Variants in FHIT observed in about 807,000 individuals in gnomAD.
The protein encoded by FHIT is fragile histidine triad diadenosine triphosphatase, also known as bis(5'-adenosyl)-triphosphatase.
In FHIT, 19 loss-of-function variants were observed where a neutral mutation model predicts 17.9. That is an observed-to-expected ratio of 1.06 (90% confidence interval 0.74 to 1.56). The LOEUF (loss-of-function observed/expected upper bound fraction) is 1.56. FHIT is among the 40% of genes most tolerant of loss of function. The pLI is 0.00. For missense variants in FHIT, 248 were observed against 189.2 expected (o/e 1.31, Z -1.82); for synonymous variants, 81 against 69.7 (o/e 1.16, Z -0.81).
intron 1 of FHIT, among the ~76,000 whole-genome samples, chr3:61,229,496 T>C (rs1429452208): frequency 6.6e-6 from 1 of 152,222 alleles, no homozygotes; most frequent in Non-Finnish European, 1.5e-5. Context: ...TTGGTTACAA[T>C]AGCTCTAGAA....
chr3:60,693,240 A>C (rs2041034772), intron 4 of FHIT, among the ~76,000 whole-genome samples: 2 of 152,202 alleles, frequency 1.3e-5, no homozygotes, highest in Non-Finnish European at 2.9e-5. Context: ...TCACTCCCTC[A>C]TAAGTGAATG....
intron 8 of FHIT, among the ~76,000 whole-genome samples, chr3:59,783,438 C>T (rs1268752330): frequency 6.6e-6 from 1 of 152,170 alleles, no homozygotes; most frequent in African/African-American, 2.4e-5. Flanking sequence ...CACTGCACTC[C>T]AGCCTGGTGA....
chr3:59,980,481 T>C (rs1708604539), intron 7 of FHIT, among the ~76,000 whole-genome samples: 1 of 152,210 alleles, frequency 6.6e-6, no homozygotes, highest in African/African-American at 2.4e-5. Flanking sequence ...CTACAGTTTC[T>C]AACCGGACTT....
chr3:61,007,614 C>T (rs1411500334), intron 3 of FHIT, among the ~76,000 whole-genome samples: 3 of 152,208 alleles, frequency 2.0e-5, no homozygotes, highest in African/African-American at 4.8e-5. Flanking sequence ...TGCTTTCTCA[C>T]TCTGACACAA....
At chr3:60,614,809 G>GTTTTTTTTTTTTTTT (rs147892145) in intron 4 of FHIT, among the ~76,000 whole-genome samples, 1 of 78,224 alleles carries the variant, frequency 1.3e-5, no homozygotes, top group Non-Finnish European at 2.4e-5. Context: ...TGCAAAAGTT[G>GTTTTTTTTTTTTTTT]TTTTTTTTTT....
intron 3 of FHIT, among the ~76,000 whole-genome samples, chr3:60,861,226 T>TC (rs367716924): frequency 1.7e-3 from 76 of 44,886 alleles, no homozygotes; most frequent in Non-Finnish European, 2.4e-3. Flanking sequence ...ATATGATATA[T>TC]ATGATATATC....
At chr3:60,636,736 T>C (rs1433455220) in intron 4 of FHIT, among the ~76,000 whole-genome samples, 4 of 152,150 alleles carry the variant, frequency 2.6e-5, no homozygotes, top group African/African-American at 9.7e-5. Context: ...GGCTACTACA[T>C]AAAAAGCCAA....
At chr3:60,513,421 T>C (rs992041785) in intron 5 of FHIT, among the ~76,000 whole-genome samples, 13 of 152,204 alleles carry the variant, frequency 8.5e-5, no homozygotes, top group African/African-American at 2.9e-4. Context: ...GTAAGTCAGC[T>C]CAAAACTTTA....
At chr3:59,763,780 T>C (rs1701648870) in intron 8 of FHIT, among the ~76,000 whole-genome samples, 1 of 152,096 alleles carries the variant, frequency 6.6e-6, no homozygotes, top group Non-Finnish European at 1.5e-5. Context: ...AGGAGGCATC[T>C]GTATGGTCTG....
intron 4 of FHIT, among the ~76,000 whole-genome samples, chr3:60,550,485 A>G (rs893407282): frequency 6.6e-6 from 1 of 152,212 alleles, no homozygotes; most frequent in Non-Finnish European, 1.5e-5. Flanking sequence ...AAAATTTTCA[A>G]TTGTTAACAA....
At chr3:60,763,495 T>G (rs1699735195) in intron 4 of FHIT, among the ~76,000 whole-genome samples, 1 of 152,160 alleles carries the variant, frequency 6.6e-6, no homozygotes, top group South Asian at 2.1e-4. Context: ...CTCTACCCTG[T>G]GAAGGTAGGT....
In FHIT at chr3:60,442,769, C is replaced by T. The variant is rs544077979; in HGVS notation, c.103+94091G>A. The stretch of plus-strand genomic sequence containing the variant: ...TTGGCAATGCGGGCTCTTTTTTGGT[C>T]CCATAAGAACTTTAAAGTAATTTTT... On this transcript the variant is annotated intron_variant, in intron 5 of 9. Coordinates refer to ENST00000492590, the MANE Select transcript of FHIT (RefSeq NM_002012.4). 5.4e-3 allele frequency among the ~76,000 whole-genome samples: 814 copies of T among 152,062 alleles called. 9 individuals carry two copies. Among genetic ancestry groups the T allele is most frequent in the African/African-American group, 0.019 (783 of 41,490 alleles).
chr3:60,514,801 G>C (rs962918134), intron 5 of FHIT, among the ~76,000 whole-genome samples: 1 of 152,038 alleles, frequency 6.6e-6, no homozygotes, highest in Middle Eastern at 3.2e-3. Flanking sequence ...TCCATCAGGA[G>C]ACACAGAAGT....
intron 8 of FHIT, among the ~76,000 whole-genome samples, chr3:59,771,849 T>C (rs49411): frequency 0.48 from 73,650 of 152,048 alleles, 18,430 homozygotes; most frequent in East Asian, 0.63. Flanking sequence ...TAGAATCTGA[T>C]CAAAGCTATG....
intron 8 of FHIT, among the ~76,000 whole-genome samples, chr3:59,765,214 G>C (rs528699344): frequency 2.4e-4 from 36 of 152,328 alleles, no homozygotes; most frequent in African/African-American, 8.2e-4. Context: ...GGGTTTAAAG[G>C]AGTTTCACTG....
At chr3:61,084,212 C>G (rs764704551) in intron 2 of FHIT, among the ~76,000 whole-genome samples, 3 of 152,186 alleles carry the variant, frequency 2.0e-5, no homozygotes, top group Admixed American at 2.0e-4. Context: ...TCTCAAAATT[C>G]AAGTGTCCCT....
At chr3:60,909,166 C>G (rs1236699464) in intron 3 of FHIT, among the ~76,000 whole-genome samples, 1 of 151,866 alleles carries the variant, frequency 6.6e-6, no homozygotes, top group African/African-American at 2.4e-5. Flanking sequence ...GTCAGGAGAT[C>G]GAGACCATCC....
chr3:60,597,479 C>T (rs1041519776), intron 4 of FHIT, among the ~76,000 whole-genome samples: 10 of 152,040 alleles, frequency 6.6e-5, no homozygotes, highest in African/African-American at 1.9e-4. Context: ...TCAGTTCTTA[C>T]CCGCTGTCAT....
chr3:60,481,488 T>G (rs1397088811), intron 5 of FHIT, among the ~76,000 whole-genome samples: 1 of 152,116 alleles, frequency 6.6e-6, no homozygotes, highest in East Asian at 1.9e-4. Context: ...CAGCAGAAAC[T>G]CTACATGCCA....
Sources: gnomAD v4.1 joint callset for allele counts (sites outside exome capture counted in the v4.1 genomes callset) on GRCh38, gnomAD v4.1.1 for gene constraint, MANE v1.5 for transcripts, NCBI Gene and HGNC (gene_info 2026-07-23, HGNC 2026-07-21) for gene names.